Variants in QKI observed in about 807,000 individuals in gnomAD.
QKI encodes QKI, KH domain containing RNA binding.
A neutral mutation model predicts 39.0 loss-of-function variants in QKI; 10 were observed. The observed-to-expected ratio is 0.26, with a 90% CI of 0.16 to 0.43. QKI has a LOEUF of 0.43. Among genes scored for constraint, QKI ranks in the 20% least tolerant of loss-of-function variants. The pLI is 1.00. For missense variants in QKI, 218 were observed against 428.0 expected (o/e 0.51, Z 4.33); for synonymous variants, 204 against 155.4 (o/e 1.31, Z -2.33).
chr6:163,521,030 G>T (rs1472213853), intron 3 of QKI, among the ~76,000 whole-genome samples: 1 of 151,970 alleles, frequency 6.6e-6, no homozygotes, highest in African/African-American at 2.4e-5. Flanking sequence ...ATTACCCTTG[G>T]TTTTTTTCTG....
rs966291484 is a variant in QKI, at chr6:163,415,136, C to T, written c.-58C>T. The T allele has an allele frequency of 1.1e-4, 151 of 1,335,882 alleles. No homozygotes were observed. Among genetic ancestry groups the T allele is most frequent in the Non-Finnish European group, 1.5e-4 (149 of 1,018,702 alleles). 82.8% of individuals were successfully genotyped at this position (1,335,882 alleles called of 1,614,324 possible). On this transcript the variant is annotated 5_prime_UTR_variant, in exon 1 of 8. Transcript: ENST00000361752. ...GGCCGGGGCTCGCCCCCGCCCCTCC[C>T]TCCTCTCCGGCGGCGGCGGCGGCGG... is the stretch of plus-strand genomic sequence containing the variant.
At chr6:163,449,575 TG>T (rs1301551870) in intron 1 of QKI, among the ~76,000 whole-genome samples, 18 of 152,252 alleles carry the variant, frequency 1.2e-4, no homozygotes, top group African/African-American at 4.1e-4. Context: ...AAAACTGTTT[TG>T]TTTTTTTACA....
At chr6:163,452,589 A>G (rs1790652936) in intron 1 of QKI, among the ~76,000 whole-genome samples, 1 of 152,200 alleles carries the variant, frequency 6.6e-6, no homozygotes, top group Admixed American at 6.5e-5. Context: ...ACACTGGGTA[A>G]CAGAATCTCA....
At chr6:163,415,415 C>T in intron 1 of QKI, 80 bp downstream of exon 1, 13 of 920,470 alleles carry the variant, frequency 1.4e-5, no homozygotes, top group South Asian at 9.6e-5. Context: ...GTGGGGAGGG[C>T]GGGAAGGTCA....
At chr6:163,460,150 T>G (rs1455127174) in intron 2 of QKI, among the ~76,000 whole-genome samples, 2 of 152,194 alleles carry the variant, frequency 1.3e-5, no homozygotes, top group African/African-American at 2.4e-5. Context: ...ATGAACAGAT[T>G]AGATTGGTAA....
chr6:163,514,474 T>C (rs1779671618), intron 3 of QKI, among the ~76,000 whole-genome samples: 1 of 152,172 alleles, frequency 6.6e-6, no homozygotes, highest in South Asian at 2.1e-4. Context: ...TACAGAATTC[T>C]TAAGATAGTA....
At chr6:163,416,054 T>TGGGGGG (rs4055815) in intron 1 of QKI, 2 of 96,152 alleles carry the variant, frequency 2.1e-5, no homozygotes, top group Admixed American at 1.1e-4. Context: ...TTTTCGGGGG[T>TGGGGGG]GGGGGGGGGG....
intron 2 of QKI, among the ~76,000 whole-genome samples, chr6:163,475,754 A>G (rs1347812698): frequency 6.6e-5 from 10 of 152,344 alleles, no homozygotes; most frequent in Non-Finnish European, 1.5e-4. Flanking sequence ...TGTAAATTCG[A>G]AAGACTTAAC....
intron 7 of QKI, chr6:163,569,119 G>GA (rs1335892965): frequency 3.2e-6 from 3 of 934,826 alleles, no homozygotes; most frequent in Non-Finnish European, 3.8e-6. Context: ...GAATACCTGT[G>GA]AAGTAGTATG....
Position 163,531,708 on chromosome 6 carries a change from T to C in QKI, c.403-3274T>C, listed in dbSNP as rs73246630. Among the ~76,000 whole-genome samples the C allele has an allele frequency of 5.4e-3, 825 of 152,358 alleles. 9 individuals are homozygous for C. Among genetic ancestry groups the C allele is most frequent in the African/African-American group, 0.019 (776 of 41,582 alleles). ...TTATAATAGACACAGGGTCTGACTG[T>C]TCCCCAGGCTGGCCTTGAACTCCTG... On this transcript the variant is annotated intron_variant, in intron 3 of 7. Transcript: ENST00000361752.
At chr6:163,543,464 A>T (rs1289146247) in intron 4 of QKI, among the ~76,000 whole-genome samples, 1 of 152,054 alleles carries the variant, frequency 6.6e-6, no homozygotes, top group Non-Finnish European at 1.5e-5. Flanking sequence ...GGTAATTAGC[A>T]GTCTCTTCAG....
chr6:163,450,063 G>A (rs1377264748), intron 1 of QKI, among the ~76,000 whole-genome samples: 1 of 150,996 alleles, frequency 6.6e-6, no homozygotes, highest in Non-Finnish European at 1.5e-5. Flanking sequence ...ATATATATAT[G>A]TATTTCTTTT....
chr6:163,422,336 G>T (rs1311131793), intron 1 of QKI, among the ~76,000 whole-genome samples: 2 of 152,080 alleles, frequency 1.3e-5, no homozygotes, highest in Non-Finnish European at 2.9e-5. Context: ...TTTGAGGCTG[G>T]GGAAATGAAT....
intron 2 of QKI, among the ~76,000 whole-genome samples, chr6:163,466,706 G>A (rs553565630): frequency 2.7e-4 from 41 of 152,118 alleles, no homozygotes; most frequent in African/African-American, 7.7e-4. Flanking sequence ...TACTTACACC[G>A]TACATAAAAA....
chr6:163,446,252 T>C (rs2128216736), intron 1 of QKI, among the ~76,000 whole-genome samples: 1 of 152,314 alleles, frequency 6.6e-6, no homozygotes, highest in South Asian at 2.1e-4. Context: ...AGTAAAAACT[T>C]TTAAGAAAAG....
chr6:163,569,559 A>G (rs1054942780), intron 7 of QKI: 5 of 1,187,510 alleles, frequency 4.2e-6, no homozygotes, highest in Admixed American at 6.6e-5. Flanking sequence ...GTGAAGCAGA[A>G]TGTGACAAAG....
intron 3 of QKI, among the ~76,000 whole-genome samples, chr6:163,486,272 T>C (rs1777672148): frequency 6.6e-6 from 1 of 152,256 alleles, no homozygotes; most frequent in South Asian, 2.1e-4. Context: ...TGTCAGAATG[T>C]GGGCTTTGAA....
chr6:163,493,479 C>T (rs2745364), intron 3 of QKI, among the ~76,000 whole-genome samples: 125,773 of 152,186 alleles, frequency 0.83, 52,359 homozygotes, highest in East Asian at 1. Context: ...CATATGTGTA[C>T]TGAGGTATAT....
chr6:163,500,854 G>A (rs1387921001), intron 3 of QKI, among the ~76,000 whole-genome samples: 3 of 152,066 alleles, frequency 2.0e-5, no homozygotes, highest in African/African-American at 4.8e-5. Flanking sequence ...AAAGACTTTG[G>A]TGGCCATATT....
Sources: gnomAD v4.1 joint callset for allele counts (sites outside exome capture counted in the v4.1 genomes callset) on GRCh38, gnomAD v4.1.1 for gene constraint, MANE v1.5 for transcripts, NCBI Gene and HGNC (gene_info 2026-07-23, HGNC 2026-07-21) for gene names.